Variants in IGSF10 observed in about 807,000 individuals in gnomAD.
IGSF10 encodes calvaria mechanical force protein 608.
Under a neutral mutation model 128.2 loss-of-function variants are expected in IGSF10, and 126 were observed. The observed-to-expected ratio is 0.98, with a 90% CI of 0.85 to 1.14. The LOEUF (loss-of-function observed/expected upper bound fraction) is 1.14, where lower values mean the gene tolerates loss of function less well. Among genes scored for constraint, IGSF10 ranks in the 50% most tolerant of loss-of-function variants. The pLI is 0.00. For synonymous variants in IGSF10, 1,185 were observed against 1,146.2 expected (o/e 1.03, Z -0.68); for missense variants, 3,295 against 3,149.8 (o/e 1.05, Z -1.10).
At chr3:151,521,136 G>A in the IGSF10 span, among the ~76,000 whole-genome samples, 2 of 151,716 alleles carry the variant, frequency 1.3e-5, no homozygotes, top group African/African-American at 4.8e-5. Flanking sequence ...ACAAAGAAGG[G>A]CATTACATAA....
At chr3:151,489,409 T>C in the IGSF10 span, among the ~76,000 whole-genome samples, 1 of 152,162 alleles carries the variant, frequency 6.6e-6, no homozygotes, top group Non-Finnish European at 1.5e-5. Context: ...GGGAAGACAG[T>C]GTGGTGATTC....
At chr3:151,505,702 C>A in the IGSF10 span, among the ~76,000 whole-genome samples, 1 of 152,082 alleles carries the variant, frequency 6.6e-6, no homozygotes, top group African/African-American at 2.4e-5. Context: ...GAAAATGAGG[C>A]CTCCCAAATT....
At chr3:151,495,547 C>T in the IGSF10 span, among the ~76,000 whole-genome samples, 4 of 150,560 alleles carry the variant, frequency 2.7e-5, no homozygotes, top group East Asian at 2.0e-4. Context: ...AAATTAAGAA[C>T]GACAAATAAC....
chr3:151,493,415 C>T, the IGSF10 span, among the ~76,000 whole-genome samples: 1 of 152,096 alleles, frequency 6.6e-6, no homozygotes, highest in East Asian at 1.9e-4. Flanking sequence ...ATACCAGGTC[C>T]CACAAGATTT....
chr3:151,485,678 A>G, the IGSF10 span, among the ~76,000 whole-genome samples: 1 of 152,346 alleles, frequency 6.6e-6, no homozygotes, highest in East Asian at 1.9e-4. Context: ...TTTTCAACCC[A>G]GAATTTCGTA....
chr3:151,542,882 G>C, the IGSF10 span, among the ~76,000 whole-genome samples: 1 of 152,134 alleles, frequency 6.6e-6, no homozygotes, highest in Admixed American at 6.5e-5. Flanking sequence ...CTCACCTGCT[G>C]TCTAGAGGCC....
the IGSF10 span, among the ~76,000 whole-genome samples, chr3:151,609,524 C>T: frequency 1.4e-5 from 2 of 141,856 alleles, no homozygotes; most frequent in African/African-American, 2.6e-5. Flanking sequence ...AATTGTTCCA[C>T]AAAAAAAAAA....
At chr3:151,523,750 A>T in the IGSF10 span, among the ~76,000 whole-genome samples, 143 of 152,330 alleles carry the variant, frequency 9.4e-4, no homozygotes, top group Non-Finnish European at 1.1e-3. Context: ...GGAACTGGCA[A>T]AGATTTCATG....
At position 151,446,781 on chromosome 3, in the gene IGSF10, A is replaced by G. The variant is rs1356013986; in HGVS notation, c.3200T>C (p.Leu1067Pro). 2 of 1,613,968 alleles carry G rather than the reference A, an allele frequency of 1.2e-6. No homozygotes were observed. Among genetic ancestry groups the G allele is most frequent in the African/African-American group, 2.7e-5 (2 of 74,936 alleles). The change falls in exon 6 of 8, where the codon CTT (leucine) becomes CCT (proline). Residue 1067 changes from leucine (L) to proline (P), a missense_variant. Coordinates refer to ENST00000282466, the MANE Select transcript of IGSF10 (RefSeq NM_178822.5). The stretch of plus-strand genomic sequence containing the variant: ...GGCAGTGGTGAGCCTCTCCCTGGGA[A>G]GACAGGACAGACATGTCACATTGAG... The part of the protein sequence containing the change: ...TVLNVTCLSC[L>P]PRERLTTATA...
chr3:151,522,409 A>G, the IGSF10 span, among the ~76,000 whole-genome samples: 9 of 152,138 alleles, frequency 5.9e-5, no homozygotes, highest in African/African-American at 2.2e-4. Context: ...ACTTCAGACC[A>G]ATATCCTTGA....
chr3:151,435,062 C>CTTTTTTTTTTTT (rs66791814), downstream of IGSF10: 4 of 119,080 alleles, frequency 3.4e-5, no homozygotes, highest in South Asian at 5.4e-4. Context: ...TGAGAGGTTT[C>CTTTTTTTTTTTT]TTTTTTTTTT....
At chr3:151,586,020 C>T in the IGSF10 span, among the ~76,000 whole-genome samples, 2 of 150,046 alleles carry the variant, frequency 1.3e-5, no homozygotes, top group African/African-American at 4.9e-5. Context: ...CACTCTGTTG[C>T]CAAGGCTGGA....
At chr3:151,579,875 AAAGGAAGGAAGG>A in the IGSF10 span, among the ~76,000 whole-genome samples, 5 of 121,828 alleles carry the variant, frequency 4.1e-5, no homozygotes, top group Admixed American at 1.8e-4. Flanking sequence ...GGGAGGAAGG[AAAGGAAGGAAGG>A]AAGGAAGGAA....
the IGSF10 span, among the ~76,000 whole-genome samples, chr3:151,502,580 G>T: frequency 1.3e-5 from 2 of 151,800 alleles, no homozygotes; most frequent in Non-Finnish European, 2.9e-5. Context: ...TATTTACTTC[G>T]ATCTGTTTTT....
the IGSF10 span, among the ~76,000 whole-genome samples, chr3:151,472,205 C>T: frequency 1.3e-5 from 2 of 152,136 alleles, no homozygotes; most frequent in Admixed American, 6.5e-5. Context: ...ATATGTCTAC[C>T]ACCTGATGGA....
At position 151,457,029 on chromosome 3, in the gene IGSF10, C is replaced by T. The variant is rs1721828566; in HGVS notation, c.321G>A (p.Leu107=). ...PDKTFSDLQA[L]QVLKMSYNKV... ...CCCCTCTCTCCATCAGTCTCACCTG[C>T]AAGGCCTGCAAATCTGAGAAGGTCT... The change falls in exon 4 of 8, where the codon TTG becomes TTA. Residue 107 remains leucine, a synonymous_variant. Transcript: ENST00000282466. The T allele has an allele frequency of 1.9e-6, 3 of 1,614,050 alleles. No homozygotes were observed. The highest frequency in any genetic ancestry group is 1.3e-5 in the African/African-American group (1 of 74,940).
At chr3:151,592,696 GAT>G in the IGSF10 span, among the ~76,000 whole-genome samples, 1 of 152,026 alleles carries the variant, frequency 6.6e-6, no homozygotes, top group Non-Finnish European at 1.5e-5. Context: ...TTGAATTATT[GAT>G]ATATCTAGGG....
rs1329459123 is a variant in IGSF10 at position 151,438,605 on chromosome 3, GAA to G, written c.5964-10_5964-9del. ...TGGATCCAGCTGCCCACTCTAAGGA[GAA>G]AAGAGATTCATTTGAGTGTGCAGCT... On this transcript the variant is annotated splice_polypyrimidine_tract_variant and intron_variant, in intron 7 of 7. Coordinates refer to ENST00000282466, the MANE Select transcript of IGSF10 (RefSeq NM_178822.5). 8 of 1,600,516 alleles carry G rather than the reference GAA, an allele frequency of 5.0e-6. No homozygotes were observed. The highest frequency in any genetic ancestry group is 6.0e-6 in the Non-Finnish European group (7 of 1,171,186).
chr3:151,610,169 A>C, the IGSF10 span, among the ~76,000 whole-genome samples: 1 of 152,180 alleles, frequency 6.6e-6, no homozygotes, highest in African/African-American at 2.4e-5. Flanking sequence ...GGGTGGAAGG[A>C]GAGCATTGGT....
Sources: allele counts gnomAD v4.1 joint callset (sites outside exome capture counted in the v4.1 genomes callset), GRCh38; gene constraint gnomAD v4.1.1; transcripts MANE v1.5; gene names NCBI Gene and HGNC (gene_info 2026-07-23, HGNC 2026-07-21).